Variants in CPQ observed in about 807,000 individuals in gnomAD.
CPQ encodes Ser-Met dipeptidase.
Under a neutral mutation model 45.7 loss-of-function variants are expected in CPQ, and 37 were observed. That is an observed-to-expected ratio of 0.81 (90% CI 0.62 to 1.07). The LOEUF is 1.07. CPQ is among the 50% of genes least tolerant of loss of function. The pLI is 0.00. For missense variants in CPQ, 537 were observed against 572.9 expected, an observed-to-expected ratio of 0.94 and a Z score of 0.64; for synonymous variants, 186 against 205.8, an observed-to-expected ratio of 0.90 and a Z score of 0.82.
chr8:96,798,030 G>T (rs1284062745), intron 2 of CPQ, among the ~76,000 whole-genome samples: 2 of 151,260 alleles, frequency 1.3e-5, no homozygotes, highest in African/African-American at 2.4e-5. Context: ...CAGCCTGGGC[G>T]GCAGAGCAAG....
chr8:97,004,741 T>A (rs1312626703), intron 5 of CPQ, among the ~76,000 whole-genome samples: 2 of 152,150 alleles, frequency 1.3e-5, no homozygotes, highest in Non-Finnish European at 1.5e-5. Flanking sequence ...GACTGTGAAA[T>A]AGCACAGATA....
chr8:96,969,445 A>G (rs576557532), intron 5 of CPQ, among the ~76,000 whole-genome samples: 114 of 152,326 alleles, frequency 7.5e-4, no homozygotes, highest in African/African-American at 2.7e-3. Context: ...AATTGTGGTA[A>G]GTTCTCTGAA....
intron 4 of CPQ, among the ~76,000 whole-genome samples, chr8:96,895,305 A>G (rs1358322001): frequency 6.6e-6 from 1 of 152,234 alleles, no homozygotes; most frequent in Admixed American, 6.5e-5. Flanking sequence ...TGCTGTTAGC[A>G]TCTTGCTGCA....
intron 1 of CPQ, among the ~76,000 whole-genome samples, chr8:96,720,817 C>T (rs775832047): frequency 4.6e-5 from 7 of 152,064 alleles, no homozygotes; most frequent in South Asian, 2.1e-4. Flanking sequence ...TTTTGCTCCC[C>T]GCCTCCCTGC....
intron 1 of CPQ, among the ~76,000 whole-genome samples, chr8:96,716,521 C>T (rs58260236): frequency 0.38 from 56,951 of 151,766 alleles, 11,100 homozygotes; most frequent in East Asian, 0.61. Context: ...CACTATATCA[C>T]TCTTAGGCCT....
intron 5 of CPQ, among the ~76,000 whole-genome samples, chr8:96,967,195 T>C (rs1586471527): frequency 6.6e-6 from 1 of 151,280 alleles, no homozygotes; most frequent in African/African-American, 2.5e-5. Context: ...AGTCGAACAT[T>C]TTTCCTCTTC....
At chr8:97,000,315 T>A (rs1809253301) in intron 5 of CPQ, among the ~76,000 whole-genome samples, 1 of 151,940 alleles carries the variant, frequency 6.6e-6, no homozygotes, top group Non-Finnish European at 1.5e-5. Flanking sequence ...ATCTTTGCCC[T>A]TGCCTCTTTC....
intron 1 of CPQ, among the ~76,000 whole-genome samples, chr8:96,748,840 G>C: frequency 6.6e-6 from 1 of 152,114 alleles, no homozygotes; most frequent in East Asian, 1.9e-4. Flanking sequence ...TGTGAACGCT[G>C]TTAGGTAACA....
intron 2 of CPQ, among the ~76,000 whole-genome samples, chr8:96,803,761 C>A (rs1394966617): frequency 2.0e-5 from 3 of 152,198 alleles, no homozygotes; most frequent in Non-Finnish European, 2.9e-5. Flanking sequence ...TCAGTATCTC[C>A]TACTAATACT....
At chr8:96,897,793 G>A (rs1423121360) in intron 4 of CPQ, among the ~76,000 whole-genome samples, 1 of 152,036 alleles carries the variant, frequency 6.6e-6, no homozygotes, top group East Asian at 1.9e-4. Flanking sequence ...GACTCTGGAG[G>A]TGAATTTTTG....
At chr8:96,940,839 A>ACTCATACTCAGAG (rs1419095263) in intron 4 of CPQ, among the ~76,000 whole-genome samples, 1 of 152,186 alleles carries the variant, frequency 6.6e-6, no homozygotes, top group Non-Finnish European at 1.5e-5. Flanking sequence ...AGTACCTCAT[A>ACTCATACTCAGAG]TGATCTCTTT....
Position 96,944,957 on chromosome 8 carries a change from C to T in CPQ, c.850-20978C>T, listed in dbSNP as rs143178807. On this transcript the variant is annotated intron_variant, in intron 4 of 7. Transcript: ENST00000220763. ...TCACTTTTAGCAGTAGCTGAAGCTA[C>T]AGGACTCACTTTACACCCCAGCGCT... 2.1e-3 allele frequency among the ~76,000 whole-genome samples: 325 copies of T among 152,236 alleles called. 1 individual carries two copies. The highest frequency in any genetic ancestry group is 0.012 in the South Asian group (56 of 4,826).
chr8:96,876,352 A>G (rs1188011219), intron 3 of CPQ, among the ~76,000 whole-genome samples: 1 of 151,884 alleles, frequency 6.6e-6, no homozygotes, highest in Non-Finnish European at 1.5e-5. Flanking sequence ...AACTTACTCA[A>G]AAAAAAAGAT....
At chr8:96,813,881 C>T (rs911611619) in intron 2 of CPQ, among the ~76,000 whole-genome samples, 5 of 152,040 alleles carry the variant, frequency 3.3e-5, no homozygotes, top group Non-Finnish European at 5.9e-5. Flanking sequence ...CTTTCAGTGA[C>T]GGACACTTAT....
intron 7 of CPQ, among the ~76,000 whole-genome samples, chr8:97,075,827 C>T (rs1250831571): frequency 6.6e-6 from 1 of 152,078 alleles, no homozygotes; most frequent in African/African-American, 2.4e-5. Context: ...TCATGAACCC[C>T]CATGCACCCA....
intron 3 of CPQ, among the ~76,000 whole-genome samples, chr8:96,846,066 C>T (rs543772613): frequency 6.6e-6 from 1 of 152,318 alleles, no homozygotes; most frequent in East Asian, 1.9e-4. Context: ...GATCCACCCA[C>T]CTCAGCTTCC....
chr8:96,793,713 C>A (rs1288364647), intron 2 of CPQ, among the ~76,000 whole-genome samples: 1 of 152,178 alleles, frequency 6.6e-6, no homozygotes, highest in Non-Finnish European at 1.5e-5. Flanking sequence ...CAAGTCCTGT[C>A]CACTTATAAG....
At chr8:96,925,623 T>A (rs909766557) in intron 4 of CPQ, among the ~76,000 whole-genome samples, 1 of 152,124 alleles carries the variant, frequency 6.6e-6, no homozygotes, top group Non-Finnish European at 1.5e-5. Flanking sequence ...CCTCAAGTGA[T>A]CTGCCCGCCT....
chr8:96,989,534 AGAGGG>A (rs1809054476), intron 5 of CPQ, among the ~76,000 whole-genome samples: 1 of 150,760 alleles, frequency 6.6e-6, no homozygotes, highest in Non-Finnish European at 1.5e-5. Context: ...AGGAGAGAGG[AGAGGG>A]GCATGTGAGC....
Sources: allele counts gnomAD v4.1 joint callset (sites outside exome capture counted in the v4.1 genomes callset), GRCh38; gene constraint gnomAD v4.1.1; transcripts MANE v1.5; gene names NCBI Gene and HGNC (gene_info 2026-07-23, HGNC 2026-07-21).